LYN: variants seen among roughly 807,000 people sequenced by gnomAD.
LYN encodes the protein tyrosine-protein kinase Lyn.
LYN carries 12 observed loss-of-function variants against 65.0 expected under a neutral mutation model. The observed-to-expected ratio is 0.18, with a 90% confidence interval of 0.12 to 0.30. The LOEUF (loss-of-function observed/expected upper bound fraction) is 0.30, where lower values mean the gene tolerates loss of function less well. Ranked by LOEUF, LYN falls within the 10% of genes least tolerant of loss-of-function variation. The pLI is 1.00. For missense variants in LYN, 380 were observed against 623.2 expected, an observed-to-expected ratio of 0.61 and a Z score of 4.16; for synonymous variants, 222 against 221.2, an observed-to-expected ratio of 1.00 and a Z score of -0.03.
intron 8 of LYN, among the ~76,000 whole-genome samples, chr8:55,962,928 G>A (rs1807329373): frequency 6.6e-6 from 1 of 152,232 alleles, no homozygotes; most frequent in Non-Finnish European, 1.5e-5. Context: ...AGAGTGACCA[G>A]AAGAGGTGCC....
rs142017308 is a variant in LYN, at chr8:55,999,349, G to A, written c.1205-69G>A. The stretch of plus-strand genomic sequence containing the variant: ...AAAAGAAAAGAAAAGAAAGTATGGG[G>A]TCACATGTTCATGACTTTTTTGTTT... On this transcript the variant is annotated intron_variant, in intron 11 of 12. Coordinates refer to ENST00000519728, the MANE Select transcript of LYN (RefSeq NM_002350.4). 258 of 1,370,724 alleles carry A rather than the reference G, an allele frequency of 1.9e-4. 4 individuals are homozygous for A. The East Asian group carries it at 5.8e-3, about 31-fold the overall frequency. The allele number at this position is 1,370,724 out of a possible 1,614,324, so 84.9% of individuals were successfully genotyped here.
rs529349503 is a variant in LYN, at chr8:55,950,781, A to C, written c.484A>C (p.Lys162Gln). ...CCTTATTAGAGAAAGTGAAACATTAAAAGGTAGGAAATTGTTCAAAGCCTC... is the reference window on the plus strand; with the variant it reads ...CCTTATTAGAGAAAGTGAAACATTACAAGGTAGGAAATTGTTCAAAGCCTC... ...AFLIRESETL[K>Q]GSFSLSVRDF... Residue 162 changes from lysine to glutamine, a missense_variant, in exon 6 of 13, where the codon AAA becomes CAA. Around this residue, in one of 2 missense-constraint regions of LYN, gnomAD observed 157 missense variants for 193.2 expected, o/e 0.81. Transcript: ENST00000519728. 1 of 1,602,292 alleles carries C rather than the reference A, an allele frequency of 6.2e-7. No homozygotes were observed. The highest frequency in any genetic ancestry group is 1.1e-5 in the South Asian group (1 of 90,824).
intron 1 of LYN, among the ~76,000 whole-genome samples, chr8:55,928,421 C>T (rs1806172560): frequency 6.6e-6 from 1 of 152,218 alleles, no homozygotes; most frequent in African/African-American, 2.4e-5. Context: ...GCTGGGATTA[C>T]AGTCATGAGC....
chr8:55,950,597 C>A (rs757425561), intron 5 of LYN, 40 bp downstream of exon 5: 8 of 1,577,294 alleles, frequency 5.1e-6, no homozygotes, highest in Non-Finnish European at 7.0e-6. Flanking sequence ...GCTTTATTTG[C>A]CACATTGGAT....
chr8:55,999,802 T>C (rs1214936686), intron 12 of LYN, among the ~76,000 whole-genome samples: 1 of 151,856 alleles, frequency 6.6e-6, no homozygotes, highest in Non-Finnish European at 1.5e-5. Flanking sequence ...AGAAACCCCG[T>C]CTCTACTAAA....
Position 55,890,329 on chromosome 8 carries a change from T to C in LYN, c.-6+10226T>C, listed in dbSNP as rs115727626. Among the ~76,000 whole-genome samples, 704 of 151,688 alleles carry C rather than the reference T, an allele frequency of 4.6e-3. 12 individuals are homozygous for C. Among genetic ancestry groups the C allele is most frequent in the African/African-American group, 0.016 (675 of 41,328 alleles). On this transcript the variant is annotated intron_variant, in intron 1 of 12. Transcript: ENST00000519728. ...CCTGTCTGTAAAATAATAATAACAA[T>C]AATAAAAAGAAAGTTGCTTAGGATG...
At chr8:55,927,795 C>T (rs1806149838) in intron 1 of LYN, among the ~76,000 whole-genome samples, 1 of 151,912 alleles carries the variant, frequency 6.6e-6, no homozygotes, top group South Asian at 2.1e-4. Context: ...AAGATCACAC[C>T]ACTGTACCCC....
At chr8:55,905,799 G>A (rs1023736488) in intron 1 of LYN, among the ~76,000 whole-genome samples, 1 of 152,120 alleles carries the variant, frequency 6.6e-6, no homozygotes, top group African/African-American at 2.4e-5. Context: ...TCATGTGAGT[G>A]CATGAAGTCC....
chr8:55,909,056 A>T (rs1360111327), intron 1 of LYN, among the ~76,000 whole-genome samples: 1 of 99,956 alleles, frequency 1.0e-5, no homozygotes, highest in Admixed American at 1.1e-4. Context: ...CACACACCCC[A>T]CATTTTCTTT....
chr8:55,919,687 C>A (rs1245227781), intron 1 of LYN, among the ~76,000 whole-genome samples: 1 of 152,210 alleles, frequency 6.6e-6, no homozygotes, highest in African/African-American at 2.4e-5. Flanking sequence ...AAACCCTAAT[C>A]TTCCTCTCAC....
intron 2 of LYN, among the ~76,000 whole-genome samples, chr8:55,942,559 G>T (rs1806655068): frequency 6.6e-6 from 1 of 151,122 alleles, no homozygotes; most frequent in Non-Finnish European, 1.5e-5. Context: ...GGCTGAGGTG[G>T]GCAGATCACT....
intron 1 of LYN, among the ~76,000 whole-genome samples, chr8:55,922,898 T>G (rs1353280829): frequency 6.6e-6 from 1 of 152,080 alleles, no homozygotes; most frequent in Non-Finnish European, 1.5e-5. Flanking sequence ...GCAGGGCTGT[T>G]GTAGCAATTA....
chr8:55,905,928 A>T (rs759727456), intron 1 of LYN, among the ~76,000 whole-genome samples: 4 of 152,194 alleles, frequency 2.6e-5, no homozygotes, highest in Admixed American at 6.5e-5. Flanking sequence ...TGACTTCTGG[A>T]AAGAAGCCTA....
At chr8:56,000,187 AAGG>A (rs1395730307) in intron 12 of LYN, among the ~76,000 whole-genome samples, 3 of 152,082 alleles carry the variant, frequency 2.0e-5, no homozygotes, top group African/African-American at 7.2e-5. Flanking sequence ...CCCTGACTGG[AAGG>A]AGGAAACCCA....
chr8:55,921,630 A>C (rs929586280), intron 1 of LYN, among the ~76,000 whole-genome samples: 3 of 152,158 alleles, frequency 2.0e-5, no homozygotes, highest in Non-Finnish European at 4.4e-5. Context: ...GGAGTGCATG[A>C]GCCAAGATGA....
At chr8:55,939,082 G>C (rs1216101738) in intron 1 of LYN, among the ~76,000 whole-genome samples, 1 of 152,208 alleles carries the variant, frequency 6.6e-6, no homozygotes, top group Admixed American at 6.5e-5. Flanking sequence ...TTTGTCAGGA[G>C]TATATTGTAT....
At position 55,969,734 on chromosome 8, in the gene LYN, C is replaced by T. The variant is rs554741772; in HGVS notation, c.991C>T (p.Leu331=). 1.9e-6 allele frequency: 3 copies of T among 1,614,076 alleles called. No homozygotes were observed. The highest frequency in any genetic ancestry group is 2.2e-5 in the South Asian group (2 of 91,082). ...CTCCATAGGCAGTTTGCTGGATTTCCTGAAGAGCGATGAAGGTGGCAAAGT... is the reference window on the plus strand; with the variant it reads ...CTCCATAGGCAGTTTGCTGGATTTCTTGAAGAGCGATGAAGGTGGCAAAGT... ...YMAKGSLLDF[L]KSDEGGKVLL... is the part of the protein sequence containing the mutation. Residue 331 remains leucine (L), a synonymous_variant, in exon 10 of 13, where the codon CTG becomes TTG. Coordinates refer to ENST00000519728, the MANE Select transcript of LYN (RefSeq NM_002350.4).
At chr8:55,952,174 C>A in intron 7 of LYN, 59 bp downstream of exon 7, 1 of 1,362,222 alleles carries the variant, frequency 7.3e-7, no homozygotes, top group Non-Finnish European at 9.9e-7. Context: ...ATGTATAAGA[C>A]GTCAAACGCT....
At chr8:55,934,250 AG>A (rs1456893042) in intron 1 of LYN, among the ~76,000 whole-genome samples, 1 of 152,264 alleles carries the variant, frequency 6.6e-6, no homozygotes, top group Non-Finnish European at 1.5e-5. Flanking sequence ...GCTTCAAATC[AG>A]GTAAACACAG....
Sources: gnomAD v4.1 joint callset for allele counts (sites outside exome capture counted in the v4.1 genomes callset) on GRCh38, gnomAD v4.1.1 for gene constraint, gnomAD v4.1.1 regional missense constraint, MANE v1.5 for transcripts, NCBI Gene and HGNC (gene_info 2026-07-23, HGNC 2026-07-21) for gene names.